The following MTA3 variants were observed in gnomAD, a reference collection of about 807,000 sequenced individuals.
The protein encoded by MTA3 is metastasis associated 1 family member 3.
Under a neutral mutation model 83.5 loss-of-function variants are expected in MTA3, and 34 were observed. The observed-to-expected ratio is 0.41, with a 90% CI of 0.31 to 0.54. MTA3 has a LOEUF of 0.54. MTA3 is among the 20% of genes least tolerant of loss of function. MTA3 has a pLI of 0.33. For missense variants in MTA3, 761 were observed against 726.4 expected (o/e 1.05, Z -0.55); for synonymous variants, 303 against 252.7 (o/e 1.20, Z -1.89).
At chr2:42,637,825 ATAAAG>A (rs1328968338) in intron 4 of MTA3, among the ~76,000 whole-genome samples, 2 of 152,158 alleles carry the variant, frequency 1.3e-5, no homozygotes, top group African/African-American at 2.4e-5. Flanking sequence ...AATTATGAAA[ATAAAG>A]GTTTTATAAT....
At chr2:42,739,101 C>T (rs1668828889) in intron 16 of MTA3, among the ~76,000 whole-genome samples, 1 of 152,192 alleles carries the variant, frequency 6.6e-6, no homozygotes, top group South Asian at 2.1e-4. Flanking sequence ...CCTATTTGCA[C>T]ACTCCCTCCC....
At chr2:42,697,382 C>CAGAG (rs113912244) in intron 10 of MTA3, among the ~76,000 whole-genome samples, 2,160 of 149,630 alleles carry the variant, frequency 0.014, 47 homozygotes, top group African/African-American at 0.049. Context: ...TTTCTAAAAG[C>CAGAG]AGAGAGAGAG....
chr2:42,555,640 C>T (rs536401131), intron 2 of MTA3, among the ~76,000 whole-genome samples: 191 of 145,712 alleles, frequency 1.3e-3, no homozygotes, highest in African/African-American at 4.4e-3. Context: ...TGGTGGCAGG[C>T]GCCTGTAGTC....
chr2:42,536,658 G>A (rs971769692), intron 2 of MTA3, among the ~76,000 whole-genome samples: 1 of 152,030 alleles, frequency 6.6e-6, no homozygotes, highest in Non-Finnish European at 1.5e-5. Flanking sequence ...AGGAGATGCA[G>A]GCCATCCTGG....
At chr2:42,736,418 C>A (rs1668619831) in intron 16 of MTA3, among the ~76,000 whole-genome samples, 1 of 152,122 alleles carries the variant, frequency 6.6e-6, no homozygotes, top group South Asian at 2.1e-4. Flanking sequence ...TCACCCAAGG[C>A]CTATGATGAT....
chr2:42,743,839 T>C (rs1669213804), intron 16 of MTA3, among the ~76,000 whole-genome samples: 1 of 151,960 alleles, frequency 6.6e-6, no homozygotes, highest in South Asian at 2.1e-4. Context: ...CTTCACGAAT[T>C]CCAAAAAAAA....
chr2:42,633,036 G>A (rs1234644261), intron 4 of MTA3, among the ~76,000 whole-genome samples: 2 of 151,926 alleles, frequency 1.3e-5, no homozygotes, highest in African/African-American at 4.8e-5. Context: ...AGGCTGAGGT[G>A]GGCGGATCAT....
intron 16 of MTA3, among the ~76,000 whole-genome samples, chr2:42,741,364 T>A (rs1669012296): frequency 6.6e-6 from 1 of 152,226 alleles, no homozygotes; most frequent in African/African-American, 2.4e-5. Context: ...GTGGCACTCT[T>A]AATTTCCTTC....
At chr2:42,734,163 C>G (rs372927391) in intron 16 of MTA3, among the ~76,000 whole-genome samples, 3 of 152,172 alleles carry the variant, frequency 2.0e-5, no homozygotes, top group African/African-American at 7.2e-5. Flanking sequence ...TGGTCTCTCT[C>G]TCTCTCTGTA....
chr2:42,572,761 C>T (rs902822441), intron 2 of MTA3, among the ~76,000 whole-genome samples: 1 of 152,088 alleles, frequency 6.6e-6, no homozygotes, highest in East Asian at 1.9e-4. Context: ...AGTTTTCACT[C>T]TTGTTGCCCA....
intron 14 of MTA3, among the ~76,000 whole-genome samples, chr2:42,710,505 T>C (rs779503256): frequency 1.1e-4 from 15 of 138,544 alleles, no homozygotes; most frequent in Admixed American, 8.6e-4. Context: ...GAGCTGAGAT[T>C]GCGCCATTGC....
At chr2:42,721,578 C>G (rs1667412114) in intron 15 of MTA3, among the ~76,000 whole-genome samples, 1 of 152,132 alleles carries the variant, frequency 6.6e-6, no homozygotes, top group South Asian at 2.1e-4. Flanking sequence ...GTCTGCCCAC[C>G]TTGGCCTCCC....
At chr2:42,673,899 A>C (rs926551391) in intron 8 of MTA3, among the ~76,000 whole-genome samples, 1 of 152,252 alleles carries the variant, frequency 6.6e-6, no homozygotes, top group Non-Finnish European at 1.5e-5. Context: ...ACTTCTGGCA[A>C]CTAGGTGAAT....
chr2:42,512,331 T>G lies in MTA3; in HGVS notation c.-141+17077T>G, dbSNP rs1475641687. 4.6e-5 allele frequency among the ~76,000 whole-genome samples: 7 copies of G among 152,194 alleles called. No individual in the cohort carries two copies. The East Asian group carries it at 1.4e-3, about 29-fold the overall frequency. ...GAGTGCCCACTGGAGCTTTCCTAGT[T>G]TTTCGGGATTCCACTTCCAGTGCTG... On this transcript the variant is annotated intron_variant, in intron 2 of 17. Transcript: ENST00000405592.
intron 4 of MTA3, among the ~76,000 whole-genome samples, chr2:42,626,239 G>A (rs538019235): frequency 1.0e-4 from 15 of 150,166 alleles, no homozygotes; most frequent in Non-Finnish European, 1.3e-4. Context: ...CACCGTGCCC[G>A]GCCATAGTTT....
At chr2:42,520,034 C>T (rs759741869) in intron 2 of MTA3, among the ~76,000 whole-genome samples, 1 of 152,026 alleles carries the variant, frequency 6.6e-6, no homozygotes, top group African/African-American at 2.4e-5. Flanking sequence ...AAGAGCCAGA[C>T]CTTGTCTCAA....
At chr2:42,747,623 T>C (rs555975272) in intron 16 of MTA3, among the ~76,000 whole-genome samples, 1 of 151,190 alleles carries the variant, frequency 6.6e-6, no homozygotes, top group Admixed American at 6.6e-5. Flanking sequence ...ATAACGCCCA[T>C]AGTGCTTGTT....
intron 2 of MTA3, among the ~76,000 whole-genome samples, chr2:42,519,969 G>T (rs2103690691): frequency 6.6e-6 from 1 of 152,246 alleles, no homozygotes; most frequent in Admixed American, 6.5e-5. Context: ...TTGCGCATAG[G>T]AGGTGGAGGT....
At chr2:42,575,914 A>T (rs1183097696) in intron 2 of MTA3, among the ~76,000 whole-genome samples, 1 of 152,146 alleles carries the variant, frequency 6.6e-6, no homozygotes, top group African/African-American at 2.4e-5. Context: ...AGAGTCATCC[A>T]TGTAATAGCG....
Sources: allele counts gnomAD v4.1 joint callset (sites outside exome capture counted in the v4.1 genomes callset), GRCh38; gene constraint gnomAD v4.1.1; transcripts MANE v1.5; gene names NCBI Gene and HGNC (gene_info 2026-07-23, HGNC 2026-07-21).